CNTNAP2: variants seen among roughly 807,000 people sequenced by gnomAD.
CNTNAP2 encodes the protein contactin associated protein 2, also known as contactin-associated protein-like 2.
Under a neutral mutation model 155.2 loss-of-function variants are expected in CNTNAP2, and 98 were observed. The observed-to-expected ratio is 0.63, with a 90% CI of 0.54 to 0.75. CNTNAP2 has a LOEUF of 0.75. Among genes scored for constraint, CNTNAP2 ranks in the 30% least tolerant of loss-of-function variants. CNTNAP2 has a pLI of 0.00. For synonymous variants in CNTNAP2, 651 were observed against 631.2 expected, an observed-to-expected ratio of 1.03 and a Z score of -0.47; for missense variants, 1,727 against 1,688.1, an observed-to-expected ratio of 1.02 and a Z score of -0.40.
chr7:146,177,675 C>T (rs1371301487), intron 1 of CNTNAP2, among the ~76,000 whole-genome samples: 1 of 152,150 alleles, frequency 6.6e-6, no homozygotes, highest in Admixed American at 6.5e-5. Flanking sequence ...GTTGACTTCC[C>T]AATGTCTTCT....
At chr7:146,589,001 G>A (rs1798741408) in intron 1 of CNTNAP2, among the ~76,000 whole-genome samples, 1 of 152,056 alleles carries the variant, frequency 6.6e-6, no homozygotes, top group Admixed American at 6.6e-5. Flanking sequence ...AATTATTACA[G>A]GTCACCTCAT....
chr7:147,330,876 A>G (rs1267072009), intron 9 of CNTNAP2, among the ~76,000 whole-genome samples: 2 of 152,180 alleles, frequency 1.3e-5, no homozygotes, highest in Non-Finnish European at 2.9e-5. Flanking sequence ...AGATGACACA[A>G]ACTTGGAAGG....
At chr7:148,328,832 C>T (rs1419392203) in intron 21 of CNTNAP2, among the ~76,000 whole-genome samples, 4 of 151,592 alleles carry the variant, frequency 2.6e-5, no homozygotes, top group African/African-American at 4.9e-5. Flanking sequence ...AAAAATTAGC[C>T]GGGCATGGTG....
At chr7:146,850,103 T>A (rs953884703) in intron 3 of CNTNAP2, among the ~76,000 whole-genome samples, 5 of 152,290 alleles carry the variant, frequency 3.3e-5, no homozygotes, top group African/African-American at 1.2e-4. Flanking sequence ...ATAGCTTAAT[T>A]ATAGGCTGCA....
intron 8 of CNTNAP2, among the ~76,000 whole-genome samples, chr7:147,234,406 C>T (rs1376932365): frequency 7.9e-5 from 11 of 139,950 alleles, no homozygotes; most frequent in African/African-American, 2.7e-4. Context: ...GGCGCGATCT[C>T]GGCTCACTGC....
At chr7:148,079,526 C>A (rs139897961) in intron 15 of CNTNAP2, among the ~76,000 whole-genome samples, 1 of 152,092 alleles carries the variant, frequency 6.6e-6, no homozygotes, top group Admixed American at 6.6e-5. Context: ...TCTTATCAGA[C>A]TTAAAAAGGT....
Position 147,256,200 on chromosome 7 carries a change from C to T in CNTNAP2, c.1349-43941C>T, listed in dbSNP as rs375722529. Among the ~76,000 whole-genome samples the T allele has an allele frequency of 1.1e-3, 162 of 146,974 alleles. 1 individual carries two copies. Among genetic ancestry groups the T allele is most frequent in the African/African-American group, 3.7e-3 (149 of 39,854 alleles). ...AAGATTGCACCTTATTTTCTTAACACGCTAAAGTGACAGGCCCTATGGTTG... is the reference window on the plus strand; with the variant it reads ...AAGATTGCACCTTATTTTCTTAACATGCTAAAGTGACAGGCCCTATGGTTG... On this transcript the variant is annotated intron_variant, in intron 8 of 23. Transcript: ENST00000361727.
intron 1 of CNTNAP2, among the ~76,000 whole-genome samples, chr7:146,609,031 G>A (rs1799092366): frequency 1.3e-5 from 2 of 151,990 alleles, no homozygotes; most frequent in African/African-American, 4.8e-5. Flanking sequence ...GCTTTCCCAA[G>A]ACCATGCATA....
chr7:147,534,619 T>C (rs1465628288), intron 11 of CNTNAP2, among the ~76,000 whole-genome samples: 1 of 152,126 alleles, frequency 6.6e-6, no homozygotes, highest in Non-Finnish European at 1.5e-5. Context: ...AACCCATGAA[T>C]TTCATAAAAA....
intron 18 of CNTNAP2, among the ~76,000 whole-genome samples, chr7:148,183,423 T>A (rs925648183): frequency 9.9e-5 from 15 of 151,406 alleles, no homozygotes; most frequent in South Asian, 2.1e-4. Flanking sequence ...TCAATTTTTT[T>A]AAAATTGTCT....
chr7:147,727,755 T>TC (rs1796667828), intron 13 of CNTNAP2, among the ~76,000 whole-genome samples: 1 of 150,864 alleles, frequency 6.6e-6, no homozygotes, highest in Admixed American at 6.6e-5. Context: ...TGCTTTTTTT[T>TC]TTTTTTTCCT....
chr7:147,040,449 G>A (rs1211745425), intron 3 of CNTNAP2, among the ~76,000 whole-genome samples: 2 of 136,720 alleles, frequency 1.5e-5, no homozygotes, highest in African/African-American at 5.5e-5. Flanking sequence ...GATTAAGAGT[G>A]AATTTTTTTT....
intron 13 of CNTNAP2, among the ~76,000 whole-genome samples, chr7:147,735,365 G>C (rs1481093998): frequency 1.3e-5 from 2 of 152,144 alleles, no homozygotes; most frequent in Non-Finnish European, 1.5e-5. Context: ...GTTCTAGTTT[G>C]ATTGCACTGT....
intron 18 of CNTNAP2, among the ~76,000 whole-genome samples, chr7:148,204,736 C>T (rs1172811604): frequency 6.6e-6 from 1 of 152,152 alleles, no homozygotes; most frequent in African/African-American, 2.4e-5. Context: ...ATAAGCAAAT[C>T]GCTTTGTGGG....
rs569918571 is a variant in CNTNAP2 at position 146,437,027 on chromosome 7, G to A, written c.97+320054G>A. On this transcript the variant is annotated intron_variant, in intron 1 of 23. Transcript: ENST00000361727. ...GCTGGTGTATGGCCTGTTAGGAACC[G>A]GGCCGCACGGCAGGAGGTGAGCGGT... 4.6e-5 allele frequency among the ~76,000 whole-genome samples: 7 copies of A among 151,602 alleles called. No homozygotes were observed. In the South Asian group the frequency reaches 1.5e-3, roughly 31 times the overall value.
intron 1 of CNTNAP2, among the ~76,000 whole-genome samples, chr7:146,398,553 A>C (rs1795668024): frequency 6.6e-6 from 1 of 152,146 alleles, no homozygotes; most frequent in Non-Finnish European, 1.5e-5. Context: ...AAACAACATC[A>C]ACCGGAATCT....
intron 21 of CNTNAP2, among the ~76,000 whole-genome samples, chr7:148,302,690 G>T (rs868697608): frequency 6.6e-6 from 1 of 151,854 alleles, no homozygotes; most frequent in Non-Finnish European, 1.5e-5. Context: ...CTTAGCTTTC[G>T]CTTCTCTCGC....
chr7:147,174,624 A>G (rs145688934), intron 8 of CNTNAP2, among the ~76,000 whole-genome samples: 1 of 152,284 alleles, frequency 6.6e-6, no homozygotes, highest in Non-Finnish European at 1.5e-5. Flanking sequence ...TGATATTACT[A>G]TACTGACTTT....
At chr7:146,781,438 A>G (rs56030848) in intron 2 of CNTNAP2, among the ~76,000 whole-genome samples, 23,711 of 152,018 alleles carry the variant, frequency 0.16, 2,286 homozygotes, top group South Asian at 0.3. Context: ...GAAGTTCATA[A>G]TTGCCACGAT....
Sources: gnomAD v4.1 joint callset for allele counts (sites outside exome capture counted in the v4.1 genomes callset) on GRCh38, gnomAD v4.1.1 for gene constraint, MANE v1.5 for transcripts, NCBI Gene and HGNC (gene_info 2026-07-23, HGNC 2026-07-21) for gene names.